The following DDX10 variants were observed in gnomAD, a reference collection of about 807,000 sequenced individuals.
DDX10 encodes probable ATP-dependent RNA helicase DDX10.
DDX10 carries 74 observed loss-of-function variants against 104.3 expected under a neutral mutation model. The ratio of observed to expected loss-of-function variants is 0.71; its 90% CI spans 0.59 to 0.86. The LOEUF is 0.86. DDX10 is among the 40% of genes least tolerant of loss of function. The pLI is 0.00. For missense variants in DDX10, 952 were observed against 1,040.0 expected (o/e 0.92, Z 1.16); for synonymous variants, 351 against 353.4 (o/e 0.99, Z 0.08).
chr11:108,716,432 T>C (rs1281873356), intron 11 of DDX10, among the ~76,000 whole-genome samples: 1 of 152,154 alleles, frequency 6.6e-6, no homozygotes. Context: ...GAAAAATATT[T>C]TTTATATATA....
chr11:108,932,272 A>G (rs1014253032), intron 17 of DDX10, among the ~76,000 whole-genome samples: 1 of 151,928 alleles, frequency 6.6e-6, no homozygotes, highest in Non-Finnish European at 1.5e-5. Context: ...TTTGTAGTTC[A>G]CTTTAAAGTC....
intron 16 of DDX10, among the ~76,000 whole-genome samples, chr11:108,911,520 G>A (rs1277638260): frequency 6.8e-6 from 1 of 148,060 alleles, no homozygotes; most frequent in African/African-American, 2.5e-5. Flanking sequence ...TCTACTGTTA[G>A]GACCTAACCA....
At chr11:108,846,566 A>G (rs999465630) in intron 15 of DDX10, among the ~76,000 whole-genome samples, 1 of 151,980 alleles carries the variant, frequency 6.6e-6, no homozygotes, top group African/African-American at 2.4e-5. Flanking sequence ...GGCTTATTTC[A>G]CTCTGCTAAA....
chr11:108,856,836 A>G lies in DDX10; in HGVS notation c.2304+4627A>G, dbSNP rs564850496. Among the ~76,000 whole-genome samples the G allele has an allele frequency of 2.0e-4, 30 of 152,038 alleles. No individual in the cohort carries two copies. The South Asian group carries it at 4.6e-3, about 23-fold the overall frequency. ...TTTTCAGTATTATATTGAGTGACCT[A>G]TGGACTCTCCTCTCCACCCCCCACC... On this transcript the variant is annotated intron_variant, in intron 16 of 17. Transcript: ENST00000322536.
At chr11:108,806,793 G>C (rs543776149) in intron 13 of DDX10, among the ~76,000 whole-genome samples, 2 of 152,056 alleles carry the variant, frequency 1.3e-5, no homozygotes, top group African/African-American at 2.4e-5. Context: ...ATAGAGGGGG[G>C]ACTGTGTGAA....
intron 16 of DDX10, among the ~76,000 whole-genome samples, chr11:108,896,190 TGTTA>T (rs1863438534): frequency 6.6e-6 from 1 of 152,158 alleles, no homozygotes; most frequent in Non-Finnish European, 1.5e-5. Context: ...GAGCAATTCT[TGTTA>T]GTTATTTATA....
intron 17 of DDX10, among the ~76,000 whole-genome samples, chr11:108,931,421 C>T (rs1863974077): frequency 6.6e-6 from 1 of 152,184 alleles, no homozygotes; most frequent in Non-Finnish European, 1.5e-5. Context: ...TAAATCGGGT[C>T]AGACTGACTC....
chr11:108,676,675 G>A (rs1007719952), intron 3 of DDX10, among the ~76,000 whole-genome samples: 3 of 152,170 alleles, frequency 2.0e-5, no homozygotes, highest in Admixed American at 1.3e-4. Flanking sequence ...TTGAACTCCT[G>A]ACCTCAAGTG....
At chr11:108,748,771 C>T (rs4754354) in intron 13 of DDX10, among the ~76,000 whole-genome samples, 54 of 152,006 alleles carry the variant, frequency 3.6e-4, no homozygotes, top group African/African-American at 1.2e-3. Flanking sequence ...GCCATGAACT[C>T]CTGAGCTCAA....
chr11:108,870,729 GC>G (rs1242914091), intron 16 of DDX10, among the ~76,000 whole-genome samples: 1 of 152,016 alleles, frequency 6.6e-6, no homozygotes, highest in African/African-American at 2.4e-5. Context: ...TCTCTACCAG[GC>G]AATATATAAA....
intron 13 of DDX10, among the ~76,000 whole-genome samples, chr11:108,804,224 A>G (rs1319939189): frequency 1.3e-5 from 2 of 152,166 alleles, no homozygotes; most frequent in Non-Finnish European, 2.9e-5. Flanking sequence ...AAGGCCAGGC[A>G]TGTTGGCTGG....
chr11:108,793,650 T>C (rs1255154216), intron 13 of DDX10, among the ~76,000 whole-genome samples: 1 of 152,124 alleles, frequency 6.6e-6, no homozygotes, highest in Non-Finnish European at 1.5e-5. Flanking sequence ...ACTGACCTTG[T>C]ATCTTGTGAC....
intron 13 of DDX10, among the ~76,000 whole-genome samples, chr11:108,745,106 C>A (rs1327653573): frequency 8.6e-6 from 1 of 115,736 alleles, no homozygotes; most frequent in Non-Finnish European, 1.7e-5. Context: ...TCCCCTCCCC[C>A]TCCCCTTCCC....
At chr11:108,785,984 T>C (rs1441358160) in intron 13 of DDX10, among the ~76,000 whole-genome samples, 5 of 152,200 alleles carry the variant, frequency 3.3e-5, no homozygotes, top group Non-Finnish European at 7.4e-5. Context: ...CATTTAGTGC[T>C]ATAAACTTTC....
At chr11:108,781,802 G>A (rs933770120) in intron 13 of DDX10, among the ~76,000 whole-genome samples, 4 of 150,344 alleles carry the variant, frequency 2.7e-5, no homozygotes, top group African/African-American at 9.8e-5. Context: ...TTTTTTTTCT[G>A]GTAGAAATAA....
chr11:108,714,443 T>C (rs2094288691), intron 10 of DDX10, among the ~76,000 whole-genome samples: 2 of 152,126 alleles, frequency 1.3e-5, no homozygotes, highest in African/African-American at 2.4e-5. Context: ...TTTTTTCCAA[T>C]CTGTTCAGCT....
intron 17 of DDX10, among the ~76,000 whole-genome samples, chr11:108,926,530 A>T (rs1863911490): frequency 6.6e-6 from 1 of 152,234 alleles, no homozygotes; most frequent in African/African-American, 2.4e-5. Flanking sequence ...AGTTATGTTT[A>T]TAATGAACTC....
intron 13 of DDX10, among the ~76,000 whole-genome samples, chr11:108,760,976 G>C (rs1591811477): frequency 6.6e-6 from 1 of 151,974 alleles, no homozygotes; most frequent in Non-Finnish European, 1.5e-5. Context: ...CACTAAGCAC[G>C]CCTATTGGAA....
chr11:108,709,173 A>G (rs1397790822), intron 10 of DDX10, among the ~76,000 whole-genome samples: 1 of 152,164 alleles, frequency 6.6e-6, no homozygotes, highest in Admixed American at 6.5e-5. Context: ...TCCTGATCTT[A>G]GCGGGAGAGC....
Sources: gnomAD v4.1 joint callset for allele counts (sites outside exome capture counted in the v4.1 genomes callset) on GRCh38, gnomAD v4.1.1 for gene constraint, MANE v1.5 for transcripts, NCBI Gene and HGNC (gene_info 2026-07-23, HGNC 2026-07-21) for gene names.